Variants in ESR1 observed in about 807,000 individuals in gnomAD.
ESR1 encodes the protein estrogen receptor.
In ESR1, 12 loss-of-function variants were observed where a neutral mutation model predicts 52.7. The ratio of observed to expected loss-of-function variants is 0.23; its 90% CI spans 0.15 to 0.37. ESR1 has a LOEUF of 0.37. Among genes scored for constraint, ESR1 ranks in the 10% least tolerant of loss-of-function variants. ESR1 has a pLI of 1.00. For missense variants in ESR1, 584 were observed against 779.7 expected, an observed-to-expected ratio of 0.75 and a Z score of 2.99; for synonymous variants, 305 against 316.8, an observed-to-expected ratio of 0.96 and a Z score of 0.39.
chr6:151,988,702 C>G (rs181834185), intron 4 of ESR1, among the ~76,000 whole-genome samples: 1 of 151,992 alleles, frequency 6.6e-6, no homozygotes, highest in African/African-American at 2.4e-5. Flanking sequence ...ATGTGAGAAA[C>G]CTGCACGTGT....
chr6:151,940,978 A>G (rs9371564), intron 3 of ESR1, among the ~76,000 whole-genome samples: 83,263 of 152,064 alleles, frequency 0.55, 24,459 homozygotes, highest in Middle Eastern at 0.73. Flanking sequence ...TAGCGTTAGT[A>G]TGACTGCTGA....
At chr6:152,048,847 A>G (rs945061298) in intron 5 of ESR1, among the ~76,000 whole-genome samples, 1 of 152,264 alleles carries the variant, frequency 6.6e-6, no homozygotes, top group African/African-American at 2.4e-5. Context: ...CTGCTCTCAG[A>G]TATATAACAT....
chr6:151,780,580 A>G (rs1176750537), intron 2 of ESR1, among the ~76,000 whole-genome samples: 1 of 152,146 alleles, frequency 6.6e-6, no homozygotes, highest in Non-Finnish European at 1.5e-5. Context: ...AACTCCTCTC[A>G]TGATTCTAAG....
intron 1 of ESR1, among the ~76,000 whole-genome samples, chr6:151,832,848 G>A (rs975935538): frequency 6.6e-6 from 1 of 152,132 alleles, no homozygotes; most frequent in Non-Finnish European, 1.5e-5. Flanking sequence ...CAGAATTTTA[G>A]TCATTCCACA....
chr6:151,995,375 G>A (rs1036272592), intron 4 of ESR1, among the ~76,000 whole-genome samples: 11 of 151,752 alleles, frequency 7.2e-5, no homozygotes, highest in South Asian at 2.1e-4. Context: ...TCATCCATCC[G>A]TCCTTCCATC....
chr6:151,731,027 T>A (rs1337602285), intron 2 of ESR1, among the ~76,000 whole-genome samples: 1 of 152,154 alleles, frequency 6.6e-6, no homozygotes, highest in African/African-American at 2.4e-5. Flanking sequence ...TTGTGCCTTG[T>A]TCATCTGCTC....
intron 2 of ESR1, among the ~76,000 whole-genome samples, chr6:151,851,775 G>A (rs1342000096): frequency 4.6e-5 from 7 of 152,100 alleles, no homozygotes; most frequent in African/African-American, 1.4e-4. Flanking sequence ...TGATCTACCC[G>A]CCTTGGCCTC....
chr6:151,668,824 T>A (rs1777919669), intron 1 of ESR1, among the ~76,000 whole-genome samples: 1 of 152,092 alleles, frequency 6.6e-6, no homozygotes, highest in African/African-American at 2.4e-5. Flanking sequence ...CACTACTTTA[T>A]TAGAGAAAGG....
At position 151,903,199 on chromosome 6, in the gene ESR1, T is replaced by G. The variant is rs141198810; in HGVS notation, c.760+22428T>G. On this transcript the variant is annotated intron_variant, in intron 3 of 7. Coordinates refer to ENST00000206249, the MANE Select transcript of ESR1 (RefSeq NM_000125.4). ...TCCCCATTTACTAATGCCTTTCTCT[T>G]TAGCTCATTTAGAATTCCCTGGAAG... is the stretch of plus-strand genomic sequence containing the variant. Among the ~76,000 whole-genome samples the G allele has an allele frequency of 3.3e-4, 51 of 152,328 alleles. 1 individual carries two copies. Among genetic ancestry groups the G allele is most frequent in the African/African-American group, 1.1e-3 (47 of 41,560 alleles).
At chr6:152,075,236 A>G (rs1373232678) in intron 6 of ESR1, among the ~76,000 whole-genome samples, 1 of 152,216 alleles carries the variant, frequency 6.6e-6, no homozygotes, top group Non-Finnish European at 1.5e-5. Flanking sequence ...TCCAGATTGC[A>G]TATGAGGACT....
intron 2 of ESR1, among the ~76,000 whole-genome samples, chr6:151,861,895 A>G (rs761388425): frequency 6.6e-6 from 1 of 152,172 alleles, no homozygotes; most frequent in Non-Finnish European, 1.5e-5. Flanking sequence ...GACTGCATAA[A>G]TGTAGCCTAA....
chr6:151,784,388 A>G (rs1182849428), intron 2 of ESR1, among the ~76,000 whole-genome samples: 1 of 152,204 alleles, frequency 6.6e-6, no homozygotes, highest in Non-Finnish European at 1.5e-5. Context: ...TCCAGCTTCT[A>G]GAAGTTATAT....
At chr6:152,048,724 A>G (rs1562722684) in intron 5 of ESR1, among the ~76,000 whole-genome samples, 1 of 152,236 alleles carries the variant, frequency 6.6e-6, no homozygotes, top group Non-Finnish European at 1.5e-5. Context: ...AAAGTCTGCC[A>G]TATACAATGG....
intron 2 of ESR1, among the ~76,000 whole-genome samples, chr6:151,714,925 G>A (rs535031462): frequency 8.5e-5 from 13 of 152,120 alleles, no homozygotes; most frequent in South Asian, 2.1e-4. Flanking sequence ...GCAGTTTCTC[G>A]TAGTGTTGAT....
intron 2 of ESR1, among the ~76,000 whole-genome samples, chr6:151,766,889 C>A (rs1419151462): frequency 6.6e-6 from 1 of 152,074 alleles, no homozygotes; most frequent in Non-Finnish European, 1.5e-5. Context: ...ACAAGGAAAC[C>A]TAGACTTAGA....
At chr6:152,037,468 G>A (rs772671085) in intron 5 of ESR1, among the ~76,000 whole-genome samples, 5 of 152,186 alleles carry the variant, frequency 3.3e-5, no homozygotes, top group Admixed American at 6.5e-5. Context: ...ATGATGTTGC[G>A]CTTTGCTGTT....
chr6:151,670,762 G>GTTTTTTTTTT (rs35606990), intron 1 of ESR1, among the ~76,000 whole-genome samples: 2 of 85,780 alleles, frequency 2.3e-5, no homozygotes, highest in Admixed American at 1.4e-4. Flanking sequence ...TTTTGTTTTC[G>GTTTTTTTTTT]TTTTTTTTTT....
chr6:151,811,030 GT>G (rs1778753248), intron 1 of ESR1: 1 of 152,190 alleles, frequency 6.6e-6, no homozygotes, highest in Non-Finnish European at 1.5e-5. Flanking sequence ...CATGTGGACT[GT>G]CCTCCCGAGT....
At chr6:151,738,525 C>T (rs972874895) in intron 2 of ESR1, among the ~76,000 whole-genome samples, 4 of 152,158 alleles carry the variant, frequency 2.6e-5, no homozygotes, top group Admixed American at 2.0e-4. Context: ...CACCAATGCT[C>T]GCTATTTTTT....
Sources: allele counts gnomAD v4.1 joint callset (sites outside exome capture counted in the v4.1 genomes callset), GRCh38; gene constraint gnomAD v4.1.1; transcripts MANE v1.5; gene names NCBI Gene and HGNC (gene_info 2026-07-23, HGNC 2026-07-21).